The following CASTOR2 variants were observed in gnomAD, a reference collection of about 807,000 sequenced individuals.
The protein encoded by CASTOR2 is cytosolic arginine sensor for mTORC1 subunit 2.
Under a neutral mutation model 31.2 loss-of-function variants are expected in CASTOR2, and 8 were observed. The ratio of observed to expected loss-of-function variants is 0.26; its 90% CI spans 0.15 to 0.46. The LOEUF (loss-of-function observed/expected upper bound fraction) is 0.46, where lower values mean the gene tolerates loss of function less well. CASTOR2 is among the 20% of genes least tolerant of loss of function. The pLI is 0.99. For missense variants in CASTOR2, 216 were observed against 382.1 expected (o/e 0.57, Z 3.62); for synonymous variants, 162 against 158.7 (o/e 1.02, Z -0.16).
At position 75,018,075 on chromosome 7, in the gene CASTOR2, C is replaced by T. The variant is rs1804908488; in HGVS notation, c.464C>T (p.Ala155Val). ...ILRVVNGETV[A>V]AENLGITNGF... ...CGGGTCGTCAATGGCGAGACCGTGG[C>T]AGCCGAGAACCTCGGCATCACCAAT... The change falls in exon 4 of 9, where the codon GCA (alanine) becomes GTA (valine). Residue 155 changes from alanine (A) to valine (V), a missense_variant. This residue lies in a region of CASTOR2 where 114 missense variants were observed against 194.2 expected (regional missense o/e 0.59). Coordinates refer to ENST00000616305, the MANE Select transcript of CASTOR2 (RefSeq NM_001145064.3). The T allele has an allele frequency of 1.2e-6, 2 of 1,614,064 alleles. No individual in the cohort carries two copies. The highest frequency in any genetic ancestry group is 1.7e-6 in the Non-Finnish European group (2 of 1,180,016).
intron 1 of CASTOR2, among the ~76,000 whole-genome samples, chr7:75,006,806 A>G (rs1804615391): frequency 5.9e-5 from 9 of 152,094 alleles, no homozygotes; most frequent in South Asian, 2.1e-4. Context: ...GACATGCCTT[A>G]GCTCCTTCTT....
intron 1 of CASTOR2, among the ~76,000 whole-genome samples, chr7:74,982,157 G>A (rs1323089865): frequency 2.7e-5 from 4 of 146,640 alleles, no homozygotes; most frequent in Admixed American, 2.1e-4. Flanking sequence ...AATGTGGAAC[G>A]CTGATAGGGG....
chr7:75,011,463 G>A (rs1252202699), intron 2 of CASTOR2, among the ~76,000 whole-genome samples: 3 of 148,964 alleles, frequency 2.0e-5, no homozygotes, highest in African/African-American at 4.9e-5. Flanking sequence ...GGCCGGGCGC[G>A]GTGGCTCACG....
In CASTOR2 at chr7:75,019,106, C is replaced by CT; in HGVS notation, c.635+13dup. On this transcript the variant is annotated intron_variant, in intron 5 of 8. Coordinates refer to ENST00000616305, the MANE Select transcript of CASTOR2 (RefSeq NM_001145064.3). ...GTTCTACTCCAATGGGTAGGGCTGC[C>CT]TTGGGCATGAGGGGTTGCAGGGTGG... 2.6e-6 allele frequency: 4 copies of CT among 1,551,768 alleles called. No individual in the cohort carries two copies. The highest frequency in any genetic ancestry group is 3.5e-6 in the Non-Finnish European group (4 of 1,147,022).
intron 7 of CASTOR2, among the ~76,000 whole-genome samples, chr7:75,023,491 T>TTA (rs1805056658): frequency 7.1e-6 from 1 of 140,746 alleles, no homozygotes; most frequent in African/African-American, 2.6e-5. Flanking sequence ...TTTTTTTTTT[T>TTA]GAGACCGGAT....
chr7:75,018,747 C>G (rs1186664280), intron 4 of CASTOR2, among the ~76,000 whole-genome samples: 1 of 152,216 alleles, frequency 6.6e-6, no homozygotes, highest in East Asian at 1.9e-4. Flanking sequence ...TTGGGAAGGG[C>G]ATCCCAGGCA....
At position 75,026,189 on chromosome 7, in the gene CASTOR2, G is replaced by GTTTTTTTTTTTTTTTTTT. The variant is rs879121750; in HGVS notation, c.*1507_*1508insTTTTTTTTTTTTTTTTTT. 0.019 allele frequency among the ~76,000 whole-genome samples: 2,251 copies of GTTTTTTTTTTTTTTTTTT among 117,354 alleles called. 118 individuals carry two copies. The highest frequency in any genetic ancestry group is 0.033 in the Middle Eastern group (5 of 150). 77.0% of individuals were successfully genotyped at this position (117,354 alleles called of 152,430 possible). A position where few individuals can be genotyped will look rare whatever the true frequency, so the allele number is the denominator to read the frequency against. ...CCCTGTGGTTTTGGCTCTGGCGGGG[G>GTTTTTTTTTTTTTTTTTT]TTTTTTTTTTTTTTTTTGAGATGGG... On this transcript the variant is annotated 3_prime_UTR_variant, in exon 9 of 9. Transcript: ENST00000616305.
chr7:75,017,631 A>G lies in CASTOR2; in HGVS notation c.218A>G (p.Asp73Gly). ...LPSSEHLSVA[D>G]ATWLALNVVS... ...TCCTCGGAGCACCTGAGTGTGGCAG[A>G]TGCCACCTGGCTGGCCCTGAACGTG... Residue 73 changes from aspartate (D) to glycine (G), a missense_variant, in exon 3 of 9, where the codon GAT becomes GGT. Asp to Gly is a moderately conservative substitution (Grantham distance 94, BLOSUM62 -1). Coordinates refer to ENST00000616305, the MANE Select transcript of CASTOR2 (RefSeq NM_001145064.3). 8.7e-6 allele frequency: 14 copies of G among 1,613,990 alleles called. No homozygotes were observed. The highest frequency in any genetic ancestry group is 1.1e-5 in the Non-Finnish European group (13 of 1,179,874).
chr7:75,018,251 T>C, intron 4 of CASTOR2, 129 bp downstream of exon 4: 1 of 1,505,298 alleles, frequency 6.6e-7, no homozygotes, highest in African/African-American at 1.4e-5. Context: ...CAGAACGGGA[T>C]GCAAAGGGCC....
rs2131963340 is a variant in CASTOR2, at chr7:75,028,379, C to T, written c.*3680C>T. Among the ~76,000 whole-genome samples the T allele has an allele frequency of 6.6e-6, 1 of 152,220 alleles. No individual in the cohort carries two copies. Among genetic ancestry groups the T allele is most frequent in the East Asian group, 1.9e-4 (1 of 5,172 alleles). On this transcript the variant is annotated 3_prime_UTR_variant, in exon 9 of 9. Transcript: ENST00000616305. ...CAAGTGATCCACCCACCTTGGCCTCCCGAAGTGCTGGGATTACAGGCATGA... is the reference window on the plus strand; with the variant it reads ...CAAGTGATCCACCCACCTTGGCCTCTCGAAGTGCTGGGATTACAGGCATGA...
At chr7:74,989,557 G>C (rs1185941825) in intron 1 of CASTOR2, among the ~76,000 whole-genome samples, 2 of 149,634 alleles carry the variant, frequency 1.3e-5, no homozygotes. Context: ...GAGTAGCTGA[G>C]ACTAACCACT....
At chr7:74,994,081 C>G (rs1446237386) in intron 1 of CASTOR2, among the ~76,000 whole-genome samples, 6 of 152,158 alleles carry the variant, frequency 3.9e-5, no homozygotes, top group African/African-American at 7.2e-5. Context: ...TCAAGTTACC[C>G]GTGTCAGCCG....
chr7:74,975,374 G>A (rs1411862813), intron 1 of CASTOR2, among the ~76,000 whole-genome samples: 3 of 148,634 alleles, frequency 2.0e-5, no homozygotes, highest in African/African-American at 7.4e-5. Context: ...GTTTCCCAAA[G>A]TGCTGGGATT....
rs1158456043 is a variant in CASTOR2, at chr7:74,999,601, C to CTTTTT, written c.114-8362_114-8358dup. Among the ~76,000 whole-genome samples, 406 of 45,786 alleles carry CTTTTT rather than the reference C, an allele frequency of 8.9e-3. 104 individuals carry two copies. Among genetic ancestry groups the CTTTTT allele is most frequent in the East Asian group, 0.03 (27 of 896 alleles). The allele number at this position is 45,786 out of a possible 152,430, so 30.0% of individuals were successfully genotyped here. On this transcript the variant is annotated intron_variant, in intron 1 of 8. Coordinates refer to ENST00000616305, the MANE Select transcript of CASTOR2 (RefSeq NM_001145064.3). The stretch of plus-strand genomic sequence containing the variant: ...CCCGAAACACTTCTATCACTCACTG[C>CTTTTT]TTTTTTTTTTTTTTTTTTTTTTTTT...
At chr7:75,011,444 A>AG (rs1554439390) in intron 2 of CASTOR2, among the ~76,000 whole-genome samples, 1 of 149,100 alleles carries the variant, frequency 6.7e-6, no homozygotes, top group East Asian at 2.0e-4. Flanking sequence ...AAAAAAAAAA[A>AG]AAGTTTGAGG....
At position 74,976,056 on chromosome 7, in the gene CASTOR2, C is replaced by T. The variant is rs1408053790; in HGVS notation, c.113+10958C>T. Among the ~76,000 whole-genome samples, 129 of 140,930 alleles carry T rather than the reference C, an allele frequency of 9.2e-4. 1 individual carries two copies. Among genetic ancestry groups the T allele is most frequent in the Admixed American group, 2.3e-3 (31 of 13,652 alleles). 92.5% of individuals were successfully genotyped at this position (140,930 alleles called of 152,430 possible). A position where few individuals can be genotyped will look rare whatever the true frequency, so the allele number is the denominator to read the frequency against. ...AATGCCTTGAACTGCCAAGTTCAGC[C>T]ACACCTAAATTCCTAACCCATAGGA... On this transcript the variant is annotated intron_variant, in intron 1 of 8. Transcript: ENST00000616305.
chr7:74,990,901 G>A (rs1274614104), intron 1 of CASTOR2, among the ~76,000 whole-genome samples: 2 of 151,592 alleles, frequency 1.3e-5, no homozygotes, highest in African/African-American at 4.8e-5. Context: ...GGTGGCACAC[G>A]CCTATAGTCC....
In CASTOR2 at chr7:75,029,880, G is replaced by A. The variant is rs1427783100; in HGVS notation, c.*5181G>A. Among the ~76,000 whole-genome samples the A allele has an allele frequency of 3.2e-4, 48 of 152,202 alleles. No individual in the cohort carries two copies. Among genetic ancestry groups the A allele is most frequent in the Admixed American group, 2.9e-3 (45 of 15,286 alleles). On this transcript the variant is annotated 3_prime_UTR_variant, in exon 9 of 9. Coordinates refer to ENST00000616305, the MANE Select transcript of CASTOR2 (RefSeq NM_001145064.3). ...GGTGGGGGCCCATTCAAAGGAGGCC[G>A]GGCTCGGTGGCTTAGGCCTGTCATC...
chr7:75,026,351 G>T lies in CASTOR2; in HGVS notation c.*1652G>T, dbSNP rs891927701. Among the ~76,000 whole-genome samples, 1 of 151,876 alleles carries T rather than the reference G, an allele frequency of 6.6e-6. No homozygotes were observed. Among genetic ancestry groups the T allele is most frequent in the Non-Finnish European group, 1.5e-5 (1 of 67,948 alleles). ...ATTACAGGCACGCACCACCACGTCTGGCTAGTTATTGTATTTTTTAATAGA... is the reference window on the plus strand; with the variant it reads ...ATTACAGGCACGCACCACCACGTCTTGCTAGTTATTGTATTTTTTAATAGA... On this transcript the variant is annotated 3_prime_UTR_variant, in exon 9 of 9. Coordinates refer to ENST00000616305, the MANE Select transcript of CASTOR2 (RefSeq NM_001145064.3).
Sources: gnomAD v4.1 joint callset for allele counts (sites outside exome capture counted in the v4.1 genomes callset) on GRCh38, gnomAD v4.1.1 for gene constraint, gnomAD v4.1.1 regional missense constraint, MANE v1.5 for transcripts, NCBI Gene and HGNC (gene_info 2026-07-23, HGNC 2026-07-21) for gene names.